The following ANKMY1 variants were observed in gnomAD, a reference collection of about 807,000 sequenced individuals.
ANKMY1 encodes the protein ankyrin repeat and MYND domain-containing protein 1.
A neutral mutation model predicts 102.0 loss-of-function variants in ANKMY1; 98 were observed. The observed-to-expected ratio is 0.96, with a 90% CI of 0.82 to 1.14. ANKMY1 has a LOEUF of 1.14. Among genes scored for constraint, ANKMY1 ranks in the 50% most tolerant of loss-of-function variants. ANKMY1 has a pLI of 0.00. For missense variants in ANKMY1, 1,330 were observed against 1,347.6 expected, an observed-to-expected ratio of 0.99 and a Z score of 0.20; for synonymous variants, 582 against 559.9, an observed-to-expected ratio of 1.04 and a Z score of -0.56.
At chr2:240,526,609 G>A (rs2083474082) in intron 5 of ANKMY1, 164 bp from the exon 6 acceptor site, 2 of 1,458,594 alleles carry the variant, frequency 1.4e-6, no homozygotes, top group Non-Finnish European at 9.0e-7. Context: ...ACCCGCAGCT[G>A]CTCACAATCC....
At chr2:240,487,829 AT>A (rs2076228285) in intron 15 of ANKMY1, among the ~76,000 whole-genome samples, 1 of 151,814 alleles carries the variant, frequency 6.6e-6, no homozygotes, top group African/African-American at 2.4e-5. Context: ...TAATAGGATT[AT>A]TTTTTCCTGT....
the ANKMY1 span, among the ~76,000 whole-genome samples, chr2:240,470,445 G>A: frequency 6.6e-6 from 1 of 152,226 alleles, no homozygotes; most frequent in African/African-American, 2.4e-5. Flanking sequence ...TGCCCAGCAA[G>A]CTCTCCCCGT....
At chr2:240,511,310 C>T (rs1373575685) in intron 11 of ANKMY1, among the ~76,000 whole-genome samples, 4 of 152,338 alleles carry the variant, frequency 2.6e-5, no homozygotes, top group Admixed American at 1.3e-4. Context: ...CCATGTGCTC[C>T]GTGGCCAACT....
At chr2:240,560,954 GGCCGCGGTGCGC>G, upstream of ANKMY1, 1 of 1,523,926 alleles carries the variant, frequency 6.6e-7, no homozygotes, top group East Asian at 2.6e-5. Context: ...CCGCCATGGA[GGCCGCGGTGCGC>G]GCCGGCGGCG....
rs1232885755 is a variant in ANKMY1 at position 240,511,853 on chromosome 2, G to A, written c.2286+8C>T. 1 of 1,579,854 alleles carries A rather than the reference G, an allele frequency of 6.3e-7. No homozygotes were observed. Among genetic ancestry groups the A allele is most frequent in the South Asian group, 1.1e-5 (1 of 89,940 alleles). ...CCTGTGCCCCCGCCAGGCCCTGGCT[G>A]CCCTCACCTTGTTGTCATCCTCCCG... On this transcript the variant is annotated splice_region_variant and intron_variant, in intron 11 of 17. Coordinates refer to ENST00000401804, the MANE Select transcript of ANKMY1 (RefSeq NM_001282771.3).
At chr2:240,551,775 T>TG (rs1174630605) in intron 4 of ANKMY1, among the ~76,000 whole-genome samples, 22 of 152,294 alleles carry the variant, frequency 1.4e-4, no homozygotes, top group African/African-American at 5.3e-4. Context: ...GTTGAGGAAC[T>TG]GATAAACAAA....
intron 9 of ANKMY1, among the ~76,000 whole-genome samples, chr2:240,517,473 T>C (rs1430423226): frequency 2.0e-5 from 3 of 152,098 alleles, no homozygotes; most frequent in African/African-American, 4.8e-5. Flanking sequence ...TGAGATTCCT[T>C]GTGAAATATT....
chr2:240,523,660 AC>A (rs1454989624), intron 8 of ANKMY1: 1 of 691,230 alleles, frequency 1.4e-6, no homozygotes, highest in East Asian at 2.8e-5. Context: ...TCACCGTGGC[AC>A]CCCCACAGGG....
Position 240,481,002 on chromosome 2 carries a change from T to G in ANKMY1, c.2981A>C (p.Lys994Thr), listed in dbSNP as rs1177650154. The G allele has an allele frequency of 6.2e-7, 1 of 1,613,976 alleles. No homozygotes were observed. Among genetic ancestry groups the G allele is most frequent in the Admixed American group, 1.7e-5 (1 of 60,016 alleles). ...PRCYGILTCS[K>T]YCKTKAWTEF... Reference sequence around the variant, plus strand: ...GGTCCAGGCCTTGGTCTTGCAGTACTTGCTGCAGGTCAGGATCCCGTAGCA... The same window carrying G: ...GGTCCAGGCCTTGGTCTTGCAGTACGTGCTGCAGGTCAGGATCCCGTAGCA... Residue 994 changes from lysine (K) to threonine (T), a missense_variant, in exon 17 of 18, where the codon AAG becomes ACG. Coordinates refer to ENST00000401804, the MANE Select transcript of ANKMY1 (RefSeq NM_001282771.3).
chr2:240,540,672 G>A (rs948318454), intron 4 of ANKMY1, among the ~76,000 whole-genome samples: 9 of 152,136 alleles, frequency 5.9e-5, no homozygotes, highest in South Asian at 2.1e-4. Flanking sequence ...AGTCTCCTCC[G>A]CTGCAGCACC....
At position 240,524,245 on chromosome 2, in the gene ANKMY1, A is replaced by C; in HGVS notation, c.1472T>G (p.Leu491Arg). 7.4e-6 allele frequency: 12 copies of C among 1,613,860 alleles called. No individual in the cohort carries two copies. Among genetic ancestry groups the C allele is most frequent in the Non-Finnish European group, 1.0e-5 (12 of 1,180,024 alleles). Residue 491 changes from leucine to arginine, a missense_variant, in exon 8 of 18, where the codon CTG becomes CGG. Physicochemically the swap from Leu to Arg is moderately radical, Grantham distance 102. Transcript: ENST00000401804. Reference sequence around the variant, plus strand: ...CTCGTGGCTGCCTGAGACGCGTGGCAGGAGCAGTGGTGCTGGCGGTGGCCT... The same window carrying C: ...CTCGTGGCTGCCTGAGACGCGTGGCCGGAGCAGTGGTGCTGGCGGTGGCCT... The part of the protein sequence containing the change: ...ELRPPPAPLL[L>R]PRVSGSHEGG...
intron 4 of ANKMY1, among the ~76,000 whole-genome samples, chr2:240,543,071 T>A (rs2089407900): frequency 6.6e-6 from 1 of 151,944 alleles, no homozygotes; most frequent in African/African-American, 2.4e-5. Context: ...TAAAATAGGC[T>A]GGGCACAGTG....
At chr2:240,508,054 C>A (rs1197339918) in intron 12 of ANKMY1, among the ~76,000 whole-genome samples, 1 of 152,250 alleles carries the variant, frequency 6.6e-6, no homozygotes, top group East Asian at 1.9e-4. Context: ...AGGGGCCAGT[C>A]CCAGCACAGG....
intron 7 of ANKMY1, among the ~76,000 whole-genome samples, chr2:240,524,982 C>T (rs1394784834): frequency 6.6e-6 from 1 of 152,194 alleles, no homozygotes; most frequent in Non-Finnish European, 1.5e-5. Context: ...ACATAGAAAT[C>T]GACTCTTCTG....
chr2:240,487,816 G>A lies in ANKMY1; in HGVS notation c.2807-5555C>T, dbSNP rs901265375. Among the ~76,000 whole-genome samples, 5 of 151,916 alleles carry A rather than the reference G, an allele frequency of 3.3e-5. No individual in the cohort carries two copies. In the East Asian group the frequency reaches 7.7e-4, roughly 23 times the overall value. On this transcript the variant is annotated intron_variant, in intron 15 of 17. Transcript: ENST00000401804. Reference sequence around the variant, plus strand: ...ATGTCAATTCATGTCATTTACCCAAGTTTAATAGGATTATTTTTTCCTGTT... The same window carrying A: ...ATGTCAATTCATGTCATTTACCCAAATTTAATAGGATTATTTTTTCCTGTT...
chr2:240,478,792 G>GTC (rs1194409301), downstream of ANKMY1, among the ~76,000 whole-genome samples: 4 of 151,282 alleles, frequency 2.6e-5, no homozygotes, highest in African/African-American at 9.7e-5. Context: ...CTGGAGCGGG[G>GTC]TCTCACCTGC....
chr2:240,511,001 C>G (rs6712454), intron 11 of ANKMY1, among the ~76,000 whole-genome samples: 122,687 of 151,748 alleles, frequency 0.81, 49,804 homozygotes, highest in East Asian at 0.98. Flanking sequence ...AGGTGGTCTA[C>G]TCAGGGCAGA....
chr2:240,539,519 C>T lies in ANKMY1; in HGVS notation c.481-10010G>A, dbSNP rs373446319. Among the ~76,000 whole-genome samples the T allele has an allele frequency of 2.6e-4, 40 of 152,324 alleles. 1 individual carries two copies. The East Asian group carries it at 6.4e-3, about 24-fold the overall frequency. ...CGTAACACTCACCACGAGGAGTCCG[C>T]GGCTTCATTCTTGAAGTCAGTGAGA... On this transcript the variant is annotated intron_variant, in intron 4 of 17. Transcript: ENST00000401804.
chr2:240,526,765 C>A (rs932039672), intron 5 of ANKMY1: 12 of 1,272,168 alleles, frequency 9.4e-6, no homozygotes, highest in Non-Finnish European at 1.2e-5. Context: ...TGGGCTGTAA[C>A]AGCAAAGGCC....
Sources: gnomAD v4.1 joint callset for allele counts (sites outside exome capture counted in the v4.1 genomes callset) on GRCh38, gnomAD v4.1.1 for gene constraint, MANE v1.5 for transcripts, NCBI Gene and HGNC (gene_info 2026-07-23, HGNC 2026-07-21) for gene names.